WHR1: variants seen among roughly 807,000 people sequenced by gnomAD.
The protein encoded by WHR1 is winged helix repair factor 1.
the WHR1 span, chr6:31,979,424 C>T: frequency 1.2e-6 from 2 of 1,612,856 alleles, no homozygotes; most frequent in South Asian, 2.2e-5. Context: ...GTCCTCAAGG[C>T]CTGTGATGGC....
chr6:31,972,517 C>T, the WHR1 span: 1 of 1,603,468 alleles, frequency 6.2e-7, no homozygotes, highest in Non-Finnish European at 8.5e-7. This position sits in a 1 kb window ranked among gnomAD's most constrained non-coding sequence, Gnocchi z 6.3. Context: ...GCCAGGTAAC[C>T]ATGGCAACCC....
chr6:31,973,058 G>C, the WHR1 span: 1 of 654,612 alleles, frequency 1.5e-6, no homozygotes, highest in Non-Finnish European at 2.8e-6. Flanking sequence ...CATCAGTGTT[G>C]TTTCCATCTT....
chr6:31,974,112 C>T, the WHR1 span, among the ~76,000 whole-genome samples: 1 of 151,868 alleles, frequency 6.6e-6, no homozygotes, highest in African/African-American at 2.4e-5. Context: ...GACATAACCC[C>T]ATCTCTACAA....
At chr6:31,971,446 C>G in the WHR1 span, 1 of 1,613,330 alleles carries the variant, frequency 6.2e-7, no homozygotes, top group Non-Finnish European at 8.5e-7. The surrounding 1 kb of genome is among the most constrained non-coding windows in gnomAD (Gnocchi z 4.5). Context: ...GGGGCCTGGA[C>G]CGTTAGTGGG....
chr6:31,972,441 G>A, the WHR1 span: 1 of 1,613,040 alleles, frequency 6.2e-7, no homozygotes, highest in Non-Finnish European at 8.5e-7. This position sits in a 1 kb window ranked among gnomAD's most constrained non-coding sequence, Gnocchi z 6.3. Flanking sequence ...ACCTGATCCC[G>A]GAGACCTTTG....
chr6:31,972,716 T>C, the WHR1 span: 1 of 1,613,640 alleles, frequency 6.2e-7, no homozygotes, highest in African/African-American at 1.3e-5. The surrounding 1 kb of genome is among the most constrained non-coding windows in gnomAD (Gnocchi z 6.3). Flanking sequence ...GAGCCAGGTG[T>C]ACAGCCTTGT....
the WHR1 span, among the ~76,000 whole-genome samples, chr6:31,978,123 C>G: frequency 1.2e-4 from 18 of 152,180 alleles, no homozygotes; most frequent in Non-Finnish European, 2.4e-4. Flanking sequence ...TTCCTGTTAT[C>G]CTGTGAGCTC....
the WHR1 span, among the ~76,000 whole-genome samples, chr6:31,977,854 C>T: frequency 6.6e-6 from 1 of 152,016 alleles, no homozygotes; most frequent in African/African-American, 2.4e-5. Context: ...AGCGCAGTGG[C>T]ATGATCTCGG....
chr6:31,973,054 T>C, the WHR1 span: 13 of 659,714 alleles, frequency 2.0e-5, no homozygotes, highest in African/African-American at 3.6e-5. Flanking sequence ...TGTACATCAG[T>C]GTTGTTTCCA....
the WHR1 span, chr6:31,980,287 A>T: frequency 1.7e-6 from 1 of 599,108 alleles, no homozygotes. Flanking sequence ...CAACAGAGGC[A>T]GTTGGTGCGA....
chr6:31,976,915 G>A, the WHR1 span, among the ~76,000 whole-genome samples: 13 of 152,226 alleles, frequency 8.5e-5, no homozygotes, highest in African/African-American at 1.9e-4. Flanking sequence ...GTGGCGGCGC[G>A]CGCCTGCAAT....
chr6:31,972,274 A>C, the WHR1 span: 13 of 1,613,090 alleles, frequency 8.1e-6, no homozygotes, highest in Non-Finnish European at 1.1e-5. This position sits in a 1 kb window ranked among gnomAD's most constrained non-coding sequence, Gnocchi z 6.3. Flanking sequence ...CGACAAGTTG[A>C]CGCTCCTTTC....
chr6:31,980,620 A>ACCTTTCC, the WHR1 span: 1 of 1,586,696 alleles, frequency 6.3e-7, no homozygotes, highest in Non-Finnish European at 8.6e-7. Context: ...GGCCTTATTC[A>ACCTTTCC]CCTTTCCCCT....
the WHR1 span, chr6:31,979,857 T>C: frequency 4.8e-4 from 137 of 285,238 alleles, no homozygotes; most frequent in Non-Finnish European, 7.1e-4. Context: ...ACTAAGAGGA[T>C]AGAGAATGGT....
At chr6:31,979,596 C>T in the WHR1 span, 2 of 1,607,474 alleles carry the variant, frequency 1.2e-6, no homozygotes, top group South Asian at 1.1e-5. Flanking sequence ...TCTGGTGCTT[C>T]CCTGCCTCCC....
chr6:31,976,266 C>G, the WHR1 span, among the ~76,000 whole-genome samples: 1 of 150,886 alleles, frequency 6.6e-6, no homozygotes, highest in Non-Finnish European at 1.5e-5. Flanking sequence ...AGGGGGCTGA[C>G]CCCCCCACCT....
At chr6:31,978,943 T>C in the WHR1 span, 1 of 1,612,626 alleles carries the variant, frequency 6.2e-7, no homozygotes, top group Non-Finnish European at 8.5e-7. Flanking sequence ...ATCGTCCAGC[T>C]GGGCTTCGAC....
chr6:31,979,331 A>G, the WHR1 span: 1 of 1,576,158 alleles, frequency 6.3e-7, no homozygotes, highest in Non-Finnish European at 8.6e-7. Context: ...GAGGTAAGAC[A>G]GGAAGAGAAA....
At chr6:31,976,917 G>A in the WHR1 span, among the ~76,000 whole-genome samples, 4 of 152,232 alleles carry the variant, frequency 2.6e-5, no homozygotes, top group African/African-American at 4.8e-5. Flanking sequence ...GGCGGCGCGC[G>A]CCTGCAATCG....
Sources: allele counts gnomAD v4.1 joint callset (sites outside exome capture counted in the v4.1 genomes callset), GRCh38; gene constraint gnomAD v4.1.1; non-coding constraint Gnocchi (gnomAD v3.1); transcripts MANE v1.5; gene names NCBI Gene and HGNC (gene_info 2026-07-23, HGNC 2026-07-21).